EPB41L4A: variants seen among roughly 807,000 people sequenced by gnomAD.
EPB41L4A encodes the protein band 4.1-like protein 4A.
EPB41L4A carries 100 observed loss-of-function variants against 108.6 expected under a neutral mutation model. That is an observed-to-expected ratio of 0.92 (90% confidence interval 0.78 to 1.09). The LOEUF is 1.09. EPB41L4A is among the 50% of genes least tolerant of loss of function. The pLI, the probability that EPB41L4A is intolerant of heterozygous loss-of-function variation, is 0.00. For synonymous variants in EPB41L4A, 319 were observed against 289.0 expected (o/e 1.10, Z -1.05); for missense variants, 1,030 against 842.7 (o/e 1.22, Z -2.75).
At chr5:112,264,450 T>C (rs926514610) in intron 6 of EPB41L4A, 3 of 153,304 alleles carry the variant, frequency 2.0e-5, no homozygotes, top group African/African-American at 7.2e-5. Flanking sequence ...GAAGAATATA[T>C]TAATGCATTT....
At chr5:112,261,461 T>C (rs552800745) in intron 7 of EPB41L4A, among the ~76,000 whole-genome samples, 23 of 152,344 alleles carry the variant, frequency 1.5e-4, no homozygotes, top group Admixed American at 8.5e-4. Flanking sequence ...AAGAATAAAG[T>C]ACCTGGCTCA....
At chr5:112,406,046 A>G (rs1227382676) in intron 1 of EPB41L4A, among the ~76,000 whole-genome samples, 1 of 152,188 alleles carries the variant, frequency 6.6e-6, no homozygotes, top group Non-Finnish European at 1.5e-5. Context: ...CACTCAAAAC[A>G]TATTTATCTT....
At chr5:112,237,812 G>A (rs909054440) in intron 11 of EPB41L4A, among the ~76,000 whole-genome samples, 1 of 152,142 alleles carries the variant, frequency 6.6e-6, no homozygotes, top group South Asian at 2.1e-4. Context: ...TCCAAGGATG[G>A]TGTAATGTTA....
intron 2 of EPB41L4A, among the ~76,000 whole-genome samples, chr5:112,291,236 T>G (rs1753618503): frequency 6.6e-6 from 1 of 152,164 alleles, no homozygotes; most frequent in Non-Finnish European, 1.5e-5. Context: ...ACCTTTCCAC[T>G]TCATCACCCT....
intron 17 of EPB41L4A, among the ~76,000 whole-genome samples, chr5:112,189,767 T>C (rs1188412825): frequency 6.6e-6 from 1 of 152,190 alleles, no homozygotes; most frequent in Non-Finnish European, 1.5e-5. Context: ...ACATCAAAGG[T>C]AATGAATGAA....
chr5:112,387,393 G>A (rs764593114), intron 1 of EPB41L4A, among the ~76,000 whole-genome samples: 21 of 152,222 alleles, frequency 1.4e-4, no homozygotes, highest in African/African-American at 2.6e-4. Flanking sequence ...TTGGGAGGCC[G>A]AGGCGGGCAG....
intron 1 of EPB41L4A, chr5:112,392,618 T>C (rs1206716850): frequency 6.6e-6 from 1 of 152,082 alleles, no homozygotes; most frequent in Admixed American, 6.6e-5. Flanking sequence ...TAAAGAGACT[T>C]AGACTCTCAC....
At chr5:112,287,103 C>T (rs1054090025) in intron 2 of EPB41L4A, among the ~76,000 whole-genome samples, 2 of 152,170 alleles carry the variant, frequency 1.3e-5, no homozygotes, top group African/African-American at 4.8e-5. Context: ...GCTCATACCT[C>T]ACATCAAGGC....
At chr5:112,345,819 ACAC>A (rs1757624454) in intron 1 of EPB41L4A, among the ~76,000 whole-genome samples, 1 of 149,108 alleles carries the variant, frequency 6.7e-6, no homozygotes, top group East Asian at 2.0e-4. Flanking sequence ...ACACACACAC[ACAC>A]GCACACATAA....
chr5:112,310,909 T>C (rs558780075), intron 1 of EPB41L4A, among the ~76,000 whole-genome samples: 2 of 152,194 alleles, frequency 1.3e-5, no homozygotes, highest in African/African-American at 4.8e-5. Context: ...ATTCACAGAG[T>C]AGCTCCCAAG....
downstream of EPB41L4A, chr5:112,160,960 C>A (rs930135421): frequency 1.3e-5 from 2 of 156,216 alleles, no homozygotes; most frequent in Admixed American, 6.5e-5. Flanking sequence ...CGCAGGGGCG[C>A]CGGGCGGGGG....
chr5:112,242,954 C>T (rs1461629704), intron 9 of EPB41L4A, among the ~76,000 whole-genome samples: 1 of 152,122 alleles, frequency 6.6e-6, no homozygotes, highest in African/African-American at 2.4e-5. Context: ...TGGCTCATGC[C>T]TGTAATCCCA....
intron 1 of EPB41L4A, among the ~76,000 whole-genome samples, chr5:112,399,724 T>G (rs1292258853): frequency 6.6e-6 from 1 of 152,160 alleles, no homozygotes; most frequent in Non-Finnish European, 1.5e-5. Flanking sequence ...CATCACGTCT[T>G]AAATCCCCTT....
At chr5:112,273,773 T>C (rs1752427460) in intron 4 of EPB41L4A, among the ~76,000 whole-genome samples, 1 of 152,198 alleles carries the variant, frequency 6.6e-6, no homozygotes, top group East Asian at 1.9e-4. Context: ...CCCTAACGAG[T>C]TACAGATATA....
intron 1 of EPB41L4A, among the ~76,000 whole-genome samples, chr5:112,374,500 T>A (rs930677349): frequency 2.6e-5 from 4 of 152,200 alleles, no homozygotes; most frequent in African/African-American, 9.7e-5. Flanking sequence ...TCTGGCCCAA[T>A]CACCTAGGTT....
Position 112,240,761 on chromosome 5 carries a change from T to G in EPB41L4A, c.845A>C (p.Lys282Thr), listed in dbSNP as rs750942586. Residue 282 changes from lysine (K) to threonine (T), a missense_variant, in exon 10 of 23, where the codon AAG becomes ACG. Physicochemically the swap from Lys to Thr is moderately conservative, Grantham distance 78. Transcript: ENST00000261486. Reference sequence around the variant, plus strand: ...TTCCACACTGCACTTCCAGAGGTGCTTGCAAGCAGTTTTACTCCGAGCTTC... The same window carrying G: ...TTCCACACTGCACTTCCAGAGGTGCGTGCAAGCAGTTTTACTCCGAGCTTC... ...FFEARSKTAC[K>T]HLWKCSVEHH... 1 of 1,586,556 alleles carries G rather than the reference T, an allele frequency of 6.3e-7. No homozygotes were observed. The highest frequency in any genetic ancestry group is 8.5e-7 in the Non-Finnish European group (1 of 1,173,150).
intron 12 of EPB41L4A, among the ~76,000 whole-genome samples, chr5:112,231,856 C>G (rs1402400959): frequency 1.3e-5 from 2 of 148,358 alleles, no homozygotes; most frequent in African/African-American, 2.5e-5. Flanking sequence ...ACCTGTAATC[C>G]TAACACTTCT....
chr5:112,146,120 A>G (rs1759246399), intron 12 of EPB41L4A: 1 of 360,834 alleles, frequency 2.8e-6, no homozygotes, highest in Non-Finnish European at 5.4e-6. Context: ...CAGAATCGAG[A>G]CCACATTCAC....
At chr5:112,365,323 G>T (rs1381007650) in intron 1 of EPB41L4A, among the ~76,000 whole-genome samples, 3 of 152,120 alleles carry the variant, frequency 2.0e-5, no homozygotes, top group African/African-American at 7.2e-5. Flanking sequence ...TCAGCCTCTT[G>T]AGTAGCTGAG....
Sources: allele counts gnomAD v4.1 joint callset (sites outside exome capture counted in the v4.1 genomes callset), GRCh38; gene constraint gnomAD v4.1.1; transcripts MANE v1.5; gene names NCBI Gene and HGNC (gene_info 2026-07-23, HGNC 2026-07-21).